Variants in SMARCD2 observed in about 807,000 individuals in gnomAD.
SMARCD2 encodes the protein SWI/SNF related BAF chromatin remodeling complex subunit D2.
SMARCD2 carries 39 observed loss-of-function variants against 70.4 expected under a neutral mutation model. The ratio of observed to expected loss-of-function variants is 0.55; its 90% CI spans 0.43 to 0.72. The LOEUF is 0.72. Ranked by LOEUF, SMARCD2 falls within the 30% of genes least tolerant of loss-of-function variation. The pLI is 0.00. For missense variants in SMARCD2, 540 were observed against 713.4 expected, an observed-to-expected ratio of 0.76 and a Z score of 2.77; for synonymous variants, 249 against 279.4, an observed-to-expected ratio of 0.89 and a Z score of 1.08.
rs1180085140 is a variant in SMARCD2, at chr17:63,836,949, G to A, written c.540C>T (p.Ile180=). ...DQTIARKRME[I]QEAIKKPLTQ... ...TCAGAGGCTTTTTGATGGCCTCCTG[G>A]ATCTCCATCCGCTTGCGAGCAATGG... Residue 180 remains isoleucine (I), a synonymous_variant, in exon 4 of 13, where the codon ATC becomes ATT. Transcript: ENST00000448276. 6.2e-7 allele frequency: 1 copy of A among 1,613,854 alleles called. No individual in the cohort carries two copies. The highest frequency in any genetic ancestry group is 2.2e-5 in the East Asian group (1 of 44,882).
chr17:63,833,710 G>T lies in SMARCD2; in HGVS notation c.1194C>A (p.Asn398Lys). 1 of 1,613,982 alleles carries T rather than the reference G, an allele frequency of 6.2e-7. No individual in the cohort carries two copies. Among genetic ancestry groups the T allele is most frequent in the Non-Finnish European group, 8.5e-7 (1 of 1,179,888 alleles). Residue 398 changes from asparagine to lysine, a missense_variant, in exon 10 of 13, where the codon AAC becomes AAA. Asn to Lys is a moderately conservative substitution (Grantham distance 94, BLOSUM62 0). Transcript: ENST00000448276. This position sits in a 1 kb window ranked among gnomAD's most constrained non-coding sequence, Gnocchi z 4.3. ...CGTAACAGGCTGTCTTCTTCTGGTC[G>T]TTAGGGTCGACACTGCAGGCAGCAC... is the stretch of plus-strand genomic sequence containing the variant. ...VINHVISVDP[N>K]DQKKTACYDI...
Position 63,834,418 on chromosome 17 carries a change from G to GC in SMARCD2, c.921+55dup. 6.4e-7 allele frequency: 1 copy of GC among 1,558,234 alleles called. No individual in the cohort carries two copies. The highest frequency in any genetic ancestry group is 8.8e-7 in the Non-Finnish European group (1 of 1,140,908). On this transcript the variant is annotated intron_variant, in intron 7 of 12. Coordinates refer to ENST00000448276, the MANE Select transcript of SMARCD2 (RefSeq NM_001098426.2). The surrounding 1 kb of genome is among the most constrained non-coding windows in gnomAD (Gnocchi z 5.6). ...GGACAGGAAGGGTTTCTAGGAACCA[G>GC]CTCCCCTCCTGAGGGGTCCCTGTGG... is the stretch of plus-strand genomic sequence containing the variant.
intron 4 of SMARCD2, 80 bp from the exon 5 acceptor site, chr17:63,835,647 C>A: frequency 2.8e-6 from 4 of 1,410,042 alleles, no homozygotes; most frequent in Non-Finnish European, 3.9e-6. Context: ...TCATATGAAC[C>A]ATTCAACAAT....
Position 63,834,308 on chromosome 17 carries a change from G to A in SMARCD2, c.942C>T (p.Asp314=). ...CTCCCAGCAGCCTTGCCAATCGGGG[G>A]TCCAATTTGTACTGGGGAGGCTGGA... is the stretch of plus-strand genomic sequence containing the variant. The part of the protein sequence containing the change: ...LDHQPPQYKL[D]PRLARLLGVH... Residue 314 remains aspartate (D), a synonymous_variant, in exon 8 of 13, where the codon GAC becomes GAT. Coordinates refer to ENST00000448276, the MANE Select transcript of SMARCD2 (RefSeq NM_001098426.2). This position sits in a 1 kb window ranked among gnomAD's most constrained non-coding sequence, Gnocchi z 5.6. The A allele has an allele frequency of 6.2e-7, 1 of 1,612,504 alleles. No homozygotes were observed. The highest frequency in any genetic ancestry group is 8.5e-7 in the Non-Finnish European group (1 of 1,179,096).
At position 63,837,414 on chromosome 17, in the gene SMARCD2, A is replaced by G. The variant is rs1215331662; in HGVS notation, c.401+27T>C. On this transcript the variant is annotated intron_variant, in intron 2 of 12. Coordinates refer to ENST00000448276, the MANE Select transcript of SMARCD2 (RefSeq NM_001098426.2). The surrounding 1 kb of genome is among the most constrained non-coding windows in gnomAD (Gnocchi z 6.4). The stretch of plus-strand genomic sequence containing the variant: ...TGCTACCACCAGAGCTGAGTTAGGC[A>G]GAGTGAGAGAAGCAGGATGCTCTTA... 14 of 1,569,706 alleles carry G rather than the reference A, an allele frequency of 8.9e-6. No homozygotes were observed. The Admixed American group carries it at 1.1e-4, about 12-fold the overall frequency.
chr17:63,834,397 AG>A lies in SMARCD2; in HGVS notation c.922-70del. On this transcript the variant is annotated intron_variant, in intron 7 of 12. Transcript: ENST00000448276. The surrounding 1 kb of genome is among the most constrained non-coding windows in gnomAD (Gnocchi z 5.6). Reference sequence around the variant, plus strand: ...AACAGTGGGAAAATAGGGCAGGGACAGGAAGGGTTTCTAGGAACCAGCTCCC... The same window carrying A: ...AACAGTGGGAAAATAGGGCAGGGACAGAAGGGTTTCTAGGAACCAGCTCCC... The A allele has an allele frequency of 6.3e-7, 1 of 1,575,912 alleles. No individual in the cohort carries two copies. Among genetic ancestry groups the A allele is most frequent in the Non-Finnish European group, 8.7e-7 (1 of 1,153,066 alleles).
At position 63,834,445 on chromosome 17, in the gene SMARCD2, C is replaced by T. The variant is rs370957191; in HGVS notation, c.921+29G>A. The stretch of plus-strand genomic sequence containing the variant: ...TCCCCTCCTGAGGGGTCCCTGTGGG[C>T]CCAGAAATGACCCCAGGGTCTCTGT... On this transcript the variant is annotated intron_variant, in intron 7 of 12. Transcript: ENST00000448276. The surrounding 1 kb of genome is among the most constrained non-coding windows in gnomAD (Gnocchi z 5.6). The T allele has an allele frequency of 8.0e-5, 124 of 1,557,308 alleles. No individual in the cohort carries two copies. The African/African-American group carries it at 1.6e-3, about 20-fold the overall frequency.
rs2144624108 is a variant in SMARCD2, at chr17:63,832,949, G to A, written c.1585C>T (p.Arg529Cys). ...RQELEQVLGI[R>C]LT is the part of the protein sequence containing the mutation. The stretch of plus-strand genomic sequence containing the variant: ...AGATCCCTGAGCAGTTAGGTCAGGC[G>A]AATTCCCAGCACCTGTTCCAGTTCC... The change falls in exon 13 of 13, where the codon CGC becomes TGC. Residue 529 changes from arginine to cysteine, a missense_variant. Physicochemically the swap from Arg to Cys is radical, Grantham distance 180. Coordinates refer to ENST00000448276, the MANE Select transcript of SMARCD2 (RefSeq NM_001098426.2). 1.9e-6 allele frequency: 3 copies of A among 1,570,078 alleles called. No homozygotes were observed. The highest frequency in any genetic ancestry group is 1.7e-6 in the Non-Finnish European group (2 of 1,159,016).
intron 1 of SMARCD2, among the ~76,000 whole-genome samples, chr17:63,839,654 C>T (rs959754740): frequency 1.3e-5 from 2 of 152,090 alleles, no homozygotes; most frequent in African/African-American, 4.8e-5. Context: ...CTCTGAGCCT[C>T]CCTAACTCCC....
chr17:63,837,717 G>C lies in SMARCD2; in HGVS notation c.217-92C>G. ...GCCCTCCATCCCTCTCGTCAGCCAG[G>C]TAGGGCCTGAGCAGCACACCAGAGC... On this transcript the variant is annotated intron_variant, in intron 1 of 12. Coordinates refer to ENST00000448276, the MANE Select transcript of SMARCD2 (RefSeq NM_001098426.2). The surrounding 1 kb of genome is among the most constrained non-coding windows in gnomAD (Gnocchi z 6.4). 9.2e-7 allele frequency: 1 copy of C among 1,084,390 alleles called. No homozygotes were observed. The highest frequency in any genetic ancestry group is 1.3e-6 in the Non-Finnish European group (1 of 749,948). The allele number at this position is 1,084,390 out of a possible 1,614,324, so 67.2% of individuals were successfully genotyped here.
intron 1 of SMARCD2, among the ~76,000 whole-genome samples, chr17:63,838,020 T>C (rs2040288147): frequency 6.6e-6 from 1 of 152,114 alleles, no homozygotes; most frequent in Non-Finnish European, 1.5e-5. Context: ...CCTCCTTCTC[T>C]TTCTCCCATC....
intron 1 of SMARCD2, among the ~76,000 whole-genome samples, chr17:63,838,209 T>C (rs1205595023): frequency 1.3e-5 from 2 of 151,914 alleles, no homozygotes; most frequent in African/African-American, 4.8e-5. Flanking sequence ...CAGGATGGCT[T>C]GGAACGTGTA....
Position 63,833,223 on chromosome 17 carries a change from C to G in SMARCD2, c.1441-53G>C. On this transcript the variant is annotated intron_variant, in intron 11 of 12. Coordinates refer to ENST00000448276, the MANE Select transcript of SMARCD2 (RefSeq NM_001098426.2). The surrounding 1 kb of genome is among the most constrained non-coding windows in gnomAD (Gnocchi z 4.3). ...GCATAATCCCCACCCCTGGGCTAAT[C>G]CACCCTGGGAACTGCTGTGGGTAAA... The G allele has an allele frequency of 6.2e-7, 1 of 1,609,820 alleles. No homozygotes were observed. The highest frequency in any genetic ancestry group is 1.7e-5 in the Admixed American group (1 of 59,870).
rs1193529307 is a variant in SMARCD2, at chr17:63,837,205, A to G, written c.434T>C (p.Leu145Pro). ...LKRRKMADKV[L>P]PQRIRELVPE... ...CCTCTTAACACTTACTCGCTGAGGT[A>G]GAACCTTATCTGCCATCTTCCTCCT... The change falls in exon 3 of 13, where the codon CTA becomes CCA. Residue 145 changes from leucine to proline, a missense_variant. Leu to Pro is a moderately conservative substitution (Grantham distance 98). Coordinates refer to ENST00000448276, the MANE Select transcript of SMARCD2 (RefSeq NM_001098426.2). The surrounding 1 kb of genome is among the most constrained non-coding windows in gnomAD (Gnocchi z 6.4). The G allele has an allele frequency of 6.2e-7, 1 of 1,613,668 alleles. No homozygotes were observed. Among genetic ancestry groups the G allele is most frequent in the East Asian group, 2.2e-5 (1 of 44,894 alleles).
In SMARCD2 at chr17:63,833,562, G is replaced by A; in HGVS notation, c.1317+25C>T. The stretch of plus-strand genomic sequence containing the variant: ...CCCACCCCAATCCTGGGCCCCAGAG[G>A]AAGCTGTGGAGCCAGAGGGCCCACC... On this transcript the variant is annotated intron_variant, in intron 10 of 12. Transcript: ENST00000448276. The surrounding 1 kb of genome is among the most constrained non-coding windows in gnomAD (Gnocchi z 4.3). The A allele has an allele frequency of 1.2e-6, 2 of 1,613,876 alleles. No homozygotes were observed. The highest frequency in any genetic ancestry group is 1.7e-6 in the Non-Finnish European group (2 of 1,179,800).
At position 63,834,990 on chromosome 17, in the gene SMARCD2, G is replaced by A. The variant is rs114430187; in HGVS notation, c.724-190C>T. On this transcript the variant is annotated intron_variant, in intron 5 of 12. Transcript: ENST00000448276. The surrounding 1 kb of genome is among the most constrained non-coding windows in gnomAD (Gnocchi z 5.6). ...GAAATGGTGCCCTCTTGCAGCCCACGAGGGACTTCCTCGAGACACTCGACT... is the reference window on the plus strand; with the variant it reads ...GAAATGGTGCCCTCTTGCAGCCCACAAGGGACTTCCTCGAGACACTCGACT... 2.8e-3 allele frequency: 1,657 copies of A among 594,356 alleles called. 26 individuals are homozygous for A. The highest frequency in any genetic ancestry group is 0.027 in the African/African-American group (1,473 of 53,834). 36.8% of individuals were successfully genotyped at this position (594,356 alleles called of 1,614,324 possible).
chr17:63,833,605 G>C lies in SMARCD2; in HGVS notation c.1299C>G (p.Ile433Met). 1 of 1,614,028 alleles carries C rather than the reference G, an allele frequency of 6.2e-7. No homozygotes were observed. Among genetic ancestry groups the C allele is most frequent in the Non-Finnish European group, 8.5e-7 (1 of 1,179,896 alleles). ...FLASTTNQQE[I>M]ASLDVKIHET... ...GGCCCACCTTGACATCAAGGGAGGC[G>C]ATCTCCTGCTGATTGGTGGTAGAGG... Residue 433 changes from isoleucine to methionine, a missense_variant, in exon 10 of 13, where the codon ATC (isoleucine) becomes ATG (methionine). Transcript: ENST00000448276. The surrounding 1 kb of genome is among the most constrained non-coding windows in gnomAD (Gnocchi z 4.3).
In SMARCD2 at chr17:63,837,743, C is replaced by T. The variant is rs1396532230; in HGVS notation, c.217-118G>A. The T allele has an allele frequency of 1.3e-6, 1 of 777,422 alleles. No homozygotes were observed. 48.2% of individuals were successfully genotyped at this position (777,422 alleles called of 1,614,324 possible). A position where few individuals can be genotyped will look rare whatever the true frequency, so the allele number is the denominator to read the frequency against. On this transcript the variant is annotated intron_variant, in intron 1 of 12. Transcript: ENST00000448276. The surrounding 1 kb of genome is among the most constrained non-coding windows in gnomAD (Gnocchi z 6.4). Reference sequence around the variant, plus strand: ...TAGGGCCTGAGCAGCACACCAGAGCCCTGCTGGAGCCCCAGGAACAAAGGG... The same window carrying T: ...TAGGGCCTGAGCAGCACACCAGAGCTCTGCTGGAGCCCCAGGAACAAAGGG...
In SMARCD2 at chr17:63,832,457, C is replaced by CA. The variant is rs1249193107; in HGVS notation, c.*480dup. 1.5e-5 allele frequency: 3 copies of CA among 206,226 alleles called. No homozygotes were observed. Among genetic ancestry groups the CA allele is most frequent in the Non-Finnish European group, 9.8e-6 (1 of 101,536 alleles). The allele number at this position is 206,226 out of a possible 1,614,324, so 12.8% of individuals were successfully genotyped here. ...TAGAAAACTTGCTCCCAAAATAGTG[C>CA]AAATACCCAAAGGAAAGGAAAAAAC... is the stretch of plus-strand genomic sequence containing the variant. On this transcript the variant is annotated 3_prime_UTR_variant, in exon 13 of 13. Coordinates refer to ENST00000448276, the MANE Select transcript of SMARCD2 (RefSeq NM_001098426.2).
Sources: gnomAD v4.1 joint callset for allele counts (sites outside exome capture counted in the v4.1 genomes callset) on GRCh38, gnomAD v4.1.1 for gene constraint, Gnocchi (gnomAD v3.1) non-coding constraint, MANE v1.5 for transcripts, NCBI Gene and HGNC (gene_info 2026-07-23, HGNC 2026-07-21) for gene names.